RUFY2: variants seen among roughly 807,000 people sequenced by gnomAD.
The protein encoded by RUFY2 is RUN and FYVE domain containing 2.
A neutral mutation model predicts 94.4 loss-of-function variants in RUFY2; 49 were observed. The ratio of observed to expected loss-of-function variants is 0.52; its 90% CI spans 0.41 to 0.66. RUFY2 has a LOEUF of 0.66. Ranked by LOEUF, RUFY2 falls within the 30% of genes least tolerant of loss-of-function variation. The pLI, the probability that RUFY2 is intolerant of heterozygous loss-of-function variation, is 0.00. For missense variants in RUFY2, 541 were observed against 692.8 expected (o/e 0.78, Z 2.46); for synonymous variants, 255 against 235.7 (o/e 1.08, Z -0.75).
chr10:68,354,003 T>C (rs187704525), intron 16 of RUFY2, among the ~76,000 whole-genome samples: 3 of 152,058 alleles, frequency 2.0e-5, no homozygotes, highest in Admixed American at 2.0e-4. Flanking sequence ...GAACATTAGT[T>C]AGACATACAG....
chr10:68,394,724 G>A (rs1266522933), intron 4 of RUFY2, among the ~76,000 whole-genome samples: 1 of 151,602 alleles, frequency 6.6e-6, no homozygotes, highest in Non-Finnish European at 1.5e-5. Context: ...CTGCCTCCCG[G>A]GTTCACACCA....
At chr10:68,400,975 T>C (rs1409420188) in intron 3 of RUFY2, among the ~76,000 whole-genome samples, 2 of 152,022 alleles carry the variant, frequency 1.3e-5, no homozygotes, top group Non-Finnish European at 2.9e-5. Flanking sequence ...ATCGTGCCAC[T>C]GCACTCCAGC....
chr10:68,365,935 A>C (rs1190902958), intron 13 of RUFY2, among the ~76,000 whole-genome samples: 1 of 152,206 alleles, frequency 6.6e-6, no homozygotes, highest in Admixed American at 6.5e-5. Flanking sequence ...ATCAGAAAAA[A>C]AGTGAATGAA....
At chr10:68,356,683 G>T (rs185402526) in intron 15 of RUFY2, among the ~76,000 whole-genome samples, 1 of 151,586 alleles carries the variant, frequency 6.6e-6, no homozygotes, top group Admixed American at 6.6e-5. Context: ...GAGTAGATGG[G>T]ATTAGAGGCA....
At chr10:68,355,505 A>G (rs1306925386) in intron 15 of RUFY2, 104 bp from the exon 16 acceptor site, 3 of 639,576 alleles carry the variant, frequency 4.7e-6, no homozygotes, top group African/African-American at 3.8e-5. Flanking sequence ...AAAATTATGT[A>G]TAGTATATGA....
chr10:68,404,125 T>C (rs2051086651), intron 2 of RUFY2, among the ~76,000 whole-genome samples: 1 of 152,226 alleles, frequency 6.6e-6, no homozygotes, highest in Non-Finnish European at 1.5e-5. Context: ...TGAATATTTT[T>C]AAATTAAATA....
Position 68,355,643 on chromosome 10 carries a change from G to A in RUFY2, c.1551-242C>T, listed in dbSNP as rs558134837. ...AATATTGGCATTTTCGGCTGGGTGC[G>A]GTGGCTCATGCCTGTAATCCCAGCA... On this transcript the variant is annotated intron_variant, in intron 15 of 17. Transcript: ENST00000602465. 317 of 305,124 alleles carry A rather than the reference G, an allele frequency of 1.0e-3. 3 individuals carry two copies. Among genetic ancestry groups the A allele is most frequent in the South Asian group, 9.9e-3 (301 of 30,546 alleles). 18.9% of individuals were successfully genotyped at this position (305,124 alleles called of 1,614,324 possible).
intron 4 of RUFY2, among the ~76,000 whole-genome samples, chr10:68,394,653 G>A (rs556290801): frequency 6.9e-4 from 102 of 148,736 alleles, no homozygotes; most frequent in African/African-American, 2.4e-3. Context: ...TTTTTGAGAC[G>A]AAGTCTTGCT....
chr10:68,379,306 A>C (rs947036437), intron 12 of RUFY2, 118 bp downstream of exon 12: 1 of 763,694 alleles, frequency 1.3e-6, no homozygotes, highest in Admixed American at 3.4e-5. Context: ...CTGGGCTTAA[A>C]CAAAAAACAT....
At chr10:68,387,738 C>T (rs1408105342) in intron 7 of RUFY2, among the ~76,000 whole-genome samples, 1 of 126,522 alleles carries the variant, frequency 7.9e-6, no homozygotes, top group Non-Finnish European at 1.7e-5. Context: ...GGCACAGTGG[C>T]TCACACCCAT....
At chr10:68,406,852 T>C (rs1266021376) in intron 1 of RUFY2, 2 of 1,610,998 alleles carry the variant, frequency 1.2e-6, no homozygotes. Context: ...CCCCCAAACC[T>C]GAAAAGTCAT....
chr10:68,394,503 C>T, intron 4 of RUFY2, 52 bp from the exon 5 acceptor site: 1 of 1,378,364 alleles, frequency 7.3e-7, no homozygotes, highest in Non-Finnish European at 1.0e-6. Context: ...ATTTCAAAAA[C>T]TAAAATTTAA....
In RUFY2 at chr10:68,344,914, AGAG is replaced by A. The variant is rs1306503594; in HGVS notation, c.*851_*853del. The A allele has an allele frequency of 6.6e-6, 1 of 152,218 alleles. No individual in the cohort carries two copies. The highest frequency in any genetic ancestry group is 1.5e-5 in the Non-Finnish European group (1 of 68,048). The allele number at this position is 152,218 out of a possible 1,614,324, so 9.4% of individuals were successfully genotyped here. On this transcript the variant is annotated 3_prime_UTR_variant, in exon 18 of 18. Transcript: ENST00000602465. The stretch of plus-strand genomic sequence containing the variant: ...GATTTTTTTCTCACTTTTAATGCTT[AGAG>A]GAGAGGACCTTTATAAGGAGCCTGT...
At chr10:68,406,542 C>T (rs1475307233) in intron 1 of RUFY2, among the ~76,000 whole-genome samples, 1 of 152,182 alleles carries the variant, frequency 6.6e-6, no homozygotes, top group Non-Finnish European at 1.5e-5. Flanking sequence ...GAGGGGCGTT[C>T]ACACCGCGGC....
chr10:68,358,070 C>A (rs1185506048), intron 15 of RUFY2, among the ~76,000 whole-genome samples: 1 of 152,050 alleles, frequency 6.6e-6, no homozygotes, highest in Non-Finnish European at 1.5e-5. Context: ...CACCTGTAGT[C>A]CCAGCTACTC....
chr10:68,398,059 G>A (rs1045547987), intron 3 of RUFY2, among the ~76,000 whole-genome samples: 3 of 149,950 alleles, frequency 2.0e-5, no homozygotes, highest in East Asian at 3.9e-4. Flanking sequence ...CCCGGGAGGC[G>A]GAGGGTACAG....
intron 11 of RUFY2, 102 bp from the exon 12 acceptor site, chr10:68,379,623 C>T (rs2048896382): frequency 1.3e-6 from 1 of 746,264 alleles, no homozygotes; most frequent in Non-Finnish European, 2.1e-6. Context: ...CACTATGCAG[C>T]CCAGGTTGGA....
intron 16 of RUFY2, among the ~76,000 whole-genome samples, chr10:68,352,788 C>T (rs1284597184): frequency 1.3e-5 from 2 of 151,648 alleles, no homozygotes; most frequent in Admixed American, 6.6e-5. Flanking sequence ...AATTAGGTGG[C>T]ACATGCCTGT....
intron 12 of RUFY2, chr10:68,377,541 T>C: frequency 2.2e-5 from 22 of 985,486 alleles, no homozygotes; most frequent in Non-Finnish European, 2.7e-5. Context: ...CACGTGTGCA[T>C]ATATGTTTAA....
Sources: allele counts gnomAD v4.1 joint callset (sites outside exome capture counted in the v4.1 genomes callset), GRCh38; gene constraint gnomAD v4.1.1; transcripts MANE v1.5; gene names NCBI Gene and HGNC (gene_info 2026-07-23, HGNC 2026-07-21).